Variants in ZNF407 observed in about 807,000 individuals in gnomAD.
ZNF407 encodes the protein zinc finger protein 407.
In ZNF407, 17 loss-of-function variants were observed where a neutral mutation model predicts 131.2. The ratio of observed to expected loss-of-function variants is 0.13; its 90% CI spans 0.09 to 0.19. The LOEUF is 0.19. Among genes scored for constraint, ZNF407 ranks in the 10% least tolerant of loss-of-function variants. The pLI is 1.00. For synonymous variants in ZNF407, 1,156 were observed against 1,062.0 expected, an observed-to-expected ratio of 1.09 and a Z score of -1.72; for missense variants, 2,681 against 2,830.6, an observed-to-expected ratio of 0.95 and a Z score of 1.20.
At chr18:74,814,786 C>G (rs1234074685) in intron 4 of ZNF407, among the ~76,000 whole-genome samples, 1 of 151,696 alleles carries the variant, frequency 6.6e-6, no homozygotes, top group African/African-American at 2.4e-5. Flanking sequence ...TGGTTTTATT[C>G]TTGTGTATTT....
At chr18:74,822,740 C>A (rs1365684888) in intron 4 of ZNF407, among the ~76,000 whole-genome samples, 3 of 152,114 alleles carry the variant, frequency 2.0e-5, no homozygotes, top group Admixed American at 6.5e-5. Context: ...ATTGTCTTGG[C>A]TATGTGGGCA....
intron 8 of ZNF407, among the ~76,000 whole-genome samples, chr18:74,996,186 G>A (rs183032584): frequency 4.3e-4 from 66 of 152,278 alleles, no homozygotes; most frequent in Admixed American, 7.8e-4. Context: ...GGCAGCTTCC[G>A]TAAGGTAAAT....
chr18:74,738,883 T>C (rs8093125), intron 3 of ZNF407, among the ~76,000 whole-genome samples: 3,136 of 152,232 alleles, frequency 0.021, 97 homozygotes, highest in African/African-American at 0.069. Context: ...AGTAAGTTTG[T>C]TTAAGGAGAT....
intron 2 of ZNF407, among the ~76,000 whole-genome samples, chr18:74,638,748 C>G (rs914655320): frequency 1.3e-5 from 2 of 152,018 alleles, no homozygotes; most frequent in Admixed American, 6.5e-5. Context: ...GGAACTGTTG[C>G]AAATAATATT....
chr18:74,599,877 T>C (rs1455016861), intron 1 of ZNF407, among the ~76,000 whole-genome samples: 2 of 152,238 alleles, frequency 1.3e-5, no homozygotes, highest in South Asian at 2.1e-4. Flanking sequence ...ATGTTTCTAA[T>C]TGATAGTTGT....
At chr18:75,006,419 C>T (rs1972911222) in intron 8 of ZNF407, among the ~76,000 whole-genome samples, 1 of 152,132 alleles carries the variant, frequency 6.6e-6, no homozygotes, top group African/African-American at 2.4e-5. Context: ...TCCTAAATTT[C>T]CCTCCAAGTA....
chr18:74,964,577 C>T (rs746233209), intron 8 of ZNF407, among the ~76,000 whole-genome samples: 28 of 139,862 alleles, frequency 2.0e-4, no homozygotes, highest in African/African-American at 5.4e-4. Flanking sequence ...ACCTATCATC[C>T]GGGTTTTTTT....
intron 8 of ZNF407, among the ~76,000 whole-genome samples, chr18:74,947,086 A>T (rs1972161656): frequency 6.6e-6 from 1 of 152,160 alleles, no homozygotes; most frequent in African/African-American, 2.4e-5. Context: ...CTAACAGATG[A>T]CCGCCTCCTG....
At chr18:74,804,137 G>GT in intron 4 of ZNF407, 1 of 1,487,466 alleles carries the variant, frequency 6.7e-7, no homozygotes, top group Non-Finnish European at 8.9e-7. Flanking sequence ...ATATTTCATT[G>GT]TCTTTTTTTT....
chr18:74,827,196 G>T (rs780821133), intron 4 of ZNF407, among the ~76,000 whole-genome samples: 1 of 152,166 alleles, frequency 6.6e-6, no homozygotes, highest in Non-Finnish European at 1.5e-5. Flanking sequence ...TAGACCCGGA[G>T]TATGTATTTT....
At chr18:74,894,640 T>C (rs1287814986) in intron 7 of ZNF407, among the ~76,000 whole-genome samples, 2 of 152,148 alleles carry the variant, frequency 1.3e-5, no homozygotes, top group Non-Finnish European at 2.9e-5. Flanking sequence ...ATTTCTTCTC[T>C]ATGATTTATA....
chr18:74,601,794 T>G (rs999765724), intron 1 of ZNF407, among the ~76,000 whole-genome samples: 4 of 152,038 alleles, frequency 2.6e-5, no homozygotes, highest in African/African-American at 9.7e-5. Context: ...AGGCCCTACC[T>G]CCAACATTGG....
chr18:74,894,488 T>C (rs1343874480), intron 7 of ZNF407, among the ~76,000 whole-genome samples: 2 of 152,284 alleles, frequency 1.3e-5, no homozygotes, highest in Middle Eastern at 3.4e-3. Flanking sequence ...TAGCTTAAAA[T>C]TCCTACTTTC....
At chr18:74,897,909 G>A (rs141673325) in intron 7 of ZNF407, 11 of 152,280 alleles carry the variant, frequency 7.2e-5, no homozygotes, top group African/African-American at 2.4e-4. Flanking sequence ...AAATAGCAAC[G>A]ACAGAATAAC....
chr18:74,786,759 C>A (rs933795679), intron 4 of ZNF407, among the ~76,000 whole-genome samples: 1 of 146,654 alleles, frequency 6.8e-6, no homozygotes, highest in Non-Finnish European at 1.5e-5. Context: ...GATCATATGA[C>A]CTGGTTTTAA....
intron 4 of ZNF407, among the ~76,000 whole-genome samples, chr18:74,830,422 A>G (rs568546868): frequency 1.5e-4 from 23 of 152,202 alleles, no homozygotes; most frequent in Middle Eastern, 3.4e-3. Flanking sequence ...AGCTGTGACT[A>G]CAGGACCACG....
intron 1 of ZNF407, among the ~76,000 whole-genome samples, chr18:74,602,624 T>C (rs569454837): frequency 3.2e-4 from 48 of 152,276 alleles, no homozygotes; most frequent in Non-Finnish European, 4.7e-4. Flanking sequence ...TTTTATTGAT[T>C]TATGGGACAC....
intron 8 of ZNF407, among the ~76,000 whole-genome samples, chr18:74,944,597 A>G (rs1232343474): frequency 6.6e-6 from 1 of 152,214 alleles, no homozygotes; most frequent in East Asian, 1.9e-4. Flanking sequence ...TTAATATGAA[A>G]CATAAGAACA....
intron 1 of ZNF407, among the ~76,000 whole-genome samples, chr18:74,603,348 C>T (rs541058001): frequency 5.9e-5 from 9 of 152,280 alleles, no homozygotes; most frequent in African/African-American, 2.2e-4. Flanking sequence ...AATGCATGCA[C>T]ACAACGAAAA....
Sources: allele counts gnomAD v4.1 joint callset (sites outside exome capture counted in the v4.1 genomes callset), GRCh38; gene constraint gnomAD v4.1.1; transcripts MANE v1.5; gene names NCBI Gene and HGNC (gene_info 2026-07-23, HGNC 2026-07-21).